Variants in PBX1 observed in about 807,000 individuals in gnomAD.
The protein encoded by PBX1 is PBX homeobox 1, also known as pre-B-cell leukemia transcription factor 1.
A neutral mutation model predicts 53.4 loss-of-function variants in PBX1; 6 were observed. The observed-to-expected ratio is 0.11, with a 90% confidence interval of 0.06 to 0.22. PBX1 has a LOEUF of 0.22. Among genes scored for constraint, PBX1 ranks in the 10% least tolerant of loss-of-function variants. The probability of loss-of-function intolerance (pLI) is 1.00; values close to 1 mark genes in which losing one functional copy is unlikely to be tolerated. For synonymous variants in PBX1, 204 were observed against 212.3 expected (o/e 0.96, Z 0.34); for missense variants, 251 against 551.4 (o/e 0.46, Z 5.46).
At chr1:164,679,168 A>G (rs1374814935) in intron 2 of PBX1, among the ~76,000 whole-genome samples, 1 of 152,168 alleles carries the variant, frequency 6.6e-6, no homozygotes, top group African/African-American at 2.4e-5. Context: ...ACATCCAATA[A>G]TTTGTTTCCT....
intron 2 of PBX1, among the ~76,000 whole-genome samples, chr1:164,590,138 G>C (rs1389416782): frequency 6.6e-6 from 1 of 151,972 alleles, no homozygotes; most frequent in Non-Finnish European, 1.5e-5. Flanking sequence ...GCTGAGCCTG[G>C]GAGGTCAAGG....
chr1:164,844,350 A>G (rs971096393), intron 8 of PBX1, among the ~76,000 whole-genome samples: 1 of 151,832 alleles, frequency 6.6e-6, no homozygotes, highest in African/African-American at 2.4e-5. Context: ...TCCTGCCCCT[A>G]CAGATACACT....
intron 2 of PBX1, among the ~76,000 whole-genome samples, chr1:164,786,722 C>T (rs1048719875): frequency 1.0e-4 from 13 of 125,322 alleles, no homozygotes; most frequent in African/African-American, 2.8e-4. Context: ...TGTGTGTGTG[C>T]GCGCGCACAC....
At chr1:164,625,657 G>A (rs1172414846) in intron 2 of PBX1, among the ~76,000 whole-genome samples, 1 of 151,728 alleles carries the variant, frequency 6.6e-6, no homozygotes, top group Non-Finnish European at 1.5e-5. Context: ...GTTTGAAATT[G>A]GAAAATTAGC....
chr1:164,760,653 C>T (rs1237258254), intron 2 of PBX1, among the ~76,000 whole-genome samples: 1 of 152,158 alleles, frequency 6.6e-6, no homozygotes, highest in Non-Finnish European at 1.5e-5. Flanking sequence ...GTAGCCCTGT[C>T]ATTATGTGAG....
At chr1:164,710,586 T>C (rs1663699224) in intron 2 of PBX1, among the ~76,000 whole-genome samples, 1 of 152,186 alleles carries the variant, frequency 6.6e-6, no homozygotes, top group Admixed American at 6.5e-5. Flanking sequence ...TAATTTTGTA[T>C]TTTTAGTAGA....
At position 164,870,354 on chromosome 1, in the gene PBX1, TTTCTTTCG is replaced by T. The variant is rs1212015639; in HGVS notation, n.258-28833_258-28826del. Among the ~76,000 whole-genome samples, 828 of 95,358 alleles carry T rather than the reference TTTCTTTCG, an allele frequency of 8.7e-3. 107 individuals are homozygous for T. Among genetic ancestry groups the T allele is most frequent in the South Asian group, 0.014 (37 of 2,592 alleles). 62.6% of individuals were successfully genotyped at this position (95,358 alleles called of 152,430 possible). A position where few individuals can be genotyped will look rare whatever the true frequency, so the allele number is the denominator to read the frequency against. On this transcript the variant is annotated intron_variant and non_coding_transcript_variant, in intron 2 of 2. Coordinates refer to the PBX1 transcript ENST00000558796. The stretch of plus-strand genomic sequence containing the variant: ...CTTTCTTTCTTTCTTTCTTTCTTTC[TTTCTTTCG>T]AGATGAAGTCTTGCTCTGTCTCCCC...
intron 2 of PBX1, among the ~76,000 whole-genome samples, chr1:164,777,510 A>C (rs1467751084): frequency 6.6e-6 from 1 of 152,208 alleles, no homozygotes; most frequent in African/African-American, 2.4e-5. Flanking sequence ...CATAAAGCTA[A>C]ACTCTGAGCA....
At chr1:164,715,878 A>G (rs556908355) in intron 2 of PBX1, among the ~76,000 whole-genome samples, 1 of 152,278 alleles carries the variant, frequency 6.6e-6, no homozygotes, top group African/African-American at 2.4e-5. Flanking sequence ...GACCATTTGT[A>G]TTCCACGCCT....
At chr1:164,747,627 G>T (rs910918415) in intron 2 of PBX1, among the ~76,000 whole-genome samples, 118 of 152,262 alleles carry the variant, frequency 7.7e-4, no homozygotes, top group African/African-American at 2.7e-3. Context: ...CACATGAAAA[G>T]TGAGTAAAGC....
chr1:164,790,292 A>G (rs186678192), intron 2 of PBX1, among the ~76,000 whole-genome samples: 2 of 152,358 alleles, frequency 1.3e-5, no homozygotes, highest in African/African-American at 4.8e-5. Flanking sequence ...CCAAAGGAGC[A>G]GTTTCCCATT....
intron 2 of PBX1, among the ~76,000 whole-genome samples, chr1:164,867,215 C>A (rs1006088976): frequency 6.6e-6 from 1 of 152,132 alleles, no homozygotes; most frequent in Non-Finnish European, 1.5e-5. Context: ...TCTTCTTCAT[C>A]AGTAGAGCGG....
At position 164,848,233 on chromosome 1, in the gene PBX1, C is replaced by G. The variant is rs1055286998; in HGVS notation, c.*1557C>G. On this transcript the variant is annotated 3_prime_UTR_variant, in exon 9 of 9. Coordinates refer to ENST00000420696, the MANE Select transcript of PBX1 (RefSeq NM_002585.4). ...TGAGAAAATAGCATGTATATGAAAG[C>G]TATTCTCAAAAGTCACCTGAGCTCA... The G allele has an allele frequency of 4.7e-6, 5 of 1,052,860 alleles. No homozygotes were observed. The African/African-American group carries it at 6.6e-5, about 14-fold the overall frequency. The allele number at this position is 1,052,860 out of a possible 1,614,324, so 65.2% of individuals were successfully genotyped here.
chr1:164,578,328 C>CT (rs1024136206), intron 2 of PBX1, among the ~76,000 whole-genome samples: 4 of 152,154 alleles, frequency 2.6e-5, no homozygotes, highest in African/African-American at 9.7e-5. Context: ...GGTGAAAACT[C>CT]TTTATCTTCC....
intron 2 of PBX1, among the ~76,000 whole-genome samples, chr1:164,740,787 G>A (rs1407221533): frequency 5.3e-5 from 8 of 152,230 alleles, no homozygotes; most frequent in African/African-American, 1.7e-4. Context: ...ACTCTTTTCA[G>A]TACTTAATAA....
At chr1:164,649,200 G>A (rs1659639954) in intron 2 of PBX1, among the ~76,000 whole-genome samples, 1 of 152,154 alleles carries the variant, frequency 6.6e-6, no homozygotes, top group Non-Finnish European at 1.5e-5. Context: ...GGCTGTGTGT[G>A]TCTCCTTCCC....
At chr1:164,823,414 G>A (rs999789747) in intron 8 of PBX1, among the ~76,000 whole-genome samples, 1 of 152,024 alleles carries the variant, frequency 6.6e-6, no homozygotes, top group Non-Finnish European at 1.5e-5. Flanking sequence ...TCCAGAGAAA[G>A]CTTTGCTCTG....
chr1:164,612,252 T>C (rs1005010579), intron 2 of PBX1, among the ~76,000 whole-genome samples: 1 of 152,162 alleles, frequency 6.6e-6, no homozygotes, highest in African/African-American at 2.4e-5. Flanking sequence ...AACACCCTTG[T>C]AGAAGCAGGC....
At chr1:164,696,039 G>A (rs1662783065) in intron 2 of PBX1, among the ~76,000 whole-genome samples, 3 of 152,188 alleles carry the variant, frequency 2.0e-5, no homozygotes, top group Admixed American at 2.0e-4. Context: ...GCCATTGATA[G>A]TCTGTCATTG....
Sources: gnomAD v4.1 joint callset for allele counts (sites outside exome capture counted in the v4.1 genomes callset) on GRCh38, gnomAD v4.1.1 for gene constraint, MANE v1.5 for transcripts, NCBI Gene and HGNC (gene_info 2026-07-23, HGNC 2026-07-21) for gene names.